Variants in TTLL5 observed in about 807,000 individuals in gnomAD.
TTLL5 encodes the protein tubulin tyrosine ligase like 5, also known as tubulin polyglutamylase TTLL5.
TTLL5 carries 132 observed loss-of-function variants against 168.4 expected under a neutral mutation model. The ratio of observed to expected loss-of-function variants is 0.78; its 90% confidence interval spans 0.68 to 0.91. TTLL5 has a LOEUF of 0.91. Ranked by LOEUF, TTLL5 falls within the 40% of genes least tolerant of loss-of-function variation. The pLI is 0.00. For missense variants in TTLL5, 1,545 were observed against 1,581.5 expected (o/e 0.98, Z 0.39); for synonymous variants, 546 against 558.6 (o/e 0.98, Z 0.32).
chr14:75,734,147 A>C (rs1171960906), intron 14 of TTLL5, 97 bp downstream of exon 14: 1 of 1,133,610 alleles, frequency 8.8e-7, no homozygotes, highest in Non-Finnish European at 1.3e-6. Context: ...GCAGGTCCTA[A>C]GCCATGCTGA....
At chr14:75,788,020 G>A (rs1199886648) in intron 26 of TTLL5, among the ~76,000 whole-genome samples, 1 of 152,156 alleles carries the variant, frequency 6.6e-6, no homozygotes, top group Non-Finnish European at 1.5e-5. Flanking sequence ...TATAGTTGGT[G>A]TGCACCTGTA....
intron 3 of TTLL5, among the ~76,000 whole-genome samples, chr14:75,670,960 C>G (rs181912614): frequency 1.3e-5 from 2 of 152,288 alleles, no homozygotes. Context: ...TGTGTCATAT[C>G]TAAGAAACCA....
intron 28 of TTLL5, among the ~76,000 whole-genome samples, chr14:75,831,744 G>T (rs1320476150): frequency 6.6e-6 from 1 of 152,180 alleles, no homozygotes; most frequent in Non-Finnish European, 1.5e-5. Flanking sequence ...GCACTTTGCA[G>T]ACTCTCCCTG....
At chr14:75,808,748 T>C (rs1168880081) in intron 27 of TTLL5, among the ~76,000 whole-genome samples, 4 of 152,134 alleles carry the variant, frequency 2.6e-5, no homozygotes, top group Non-Finnish European at 4.4e-5. Flanking sequence ...GAATCAAAGC[T>C]ATGGCATGTT....
intron 31 of TTLL5, among the ~76,000 whole-genome samples, chr14:75,912,142 C>A (rs1595254531): frequency 6.6e-6 from 1 of 152,302 alleles, no homozygotes; most frequent in East Asian, 1.9e-4. Flanking sequence ...CTCCGCCCTA[C>A]TCATGACGTG....
intron 31 of TTLL5, among the ~76,000 whole-genome samples, chr14:75,911,882 T>C (rs1432087689): frequency 6.6e-6 from 1 of 152,246 alleles, no homozygotes; most frequent in Non-Finnish European, 1.5e-5. Flanking sequence ...CATTTATTCT[T>C]ATTATTACCA....
intron 12 of TTLL5, 110 bp downstream of exon 12, chr14:75,720,813 A>G: frequency 1.2e-6 from 1 of 867,466 alleles, no homozygotes; most frequent in Non-Finnish European, 1.9e-6. Context: ...GAGGTATGTG[A>G]TGGACTCTTC....
chr14:75,809,192 A>T (rs79368943), intron 27 of TTLL5, among the ~76,000 whole-genome samples: 23 of 152,072 alleles, frequency 1.5e-4, no homozygotes, highest in Non-Finnish European at 3.2e-4. Context: ...CAAACTTATA[A>T]ATTTGCATTA....
intron 21 of TTLL5, among the ~76,000 whole-genome samples, chr14:75,774,421 C>G (rs1463018139): frequency 6.6e-6 from 1 of 152,210 alleles, no homozygotes; most frequent in African/African-American, 2.4e-5. Context: ...ACCTTTCAAA[C>G]TACTGTGATA....
intron 18 of TTLL5, among the ~76,000 whole-genome samples, chr14:75,758,817 A>AT (rs1390203643): frequency 1.3e-5 from 2 of 152,194 alleles, no homozygotes; most frequent in African/African-American, 4.8e-5. Context: ...CATGAGGAAA[A>AT]TTAGAAAATA....
rs565915896 is a variant in TTLL5, at chr14:75,833,041, C to G, written c.3326+12880C>G. On this transcript the variant is annotated intron_variant, in intron 28 of 31. Coordinates refer to ENST00000298832, the MANE Select transcript of TTLL5 (RefSeq NM_015072.5). ...GTCTCCTCAGCGTGGCCACCTGCCT[C>G]CCGCAGCTCTGCCCATCAGGAACAC... Among the ~76,000 whole-genome samples the G allele has an allele frequency of 3.3e-5, 5 of 152,310 alleles. No homozygotes were observed. In the South Asian group the frequency reaches 6.2e-4, roughly 19 times the overall value.
intron 27 of TTLL5, chr14:75,814,542 A>T (rs1161864218): frequency 1.3e-5 from 2 of 152,208 alleles, no homozygotes; most frequent in African/African-American, 4.8e-5. Context: ...CGATACTGGG[A>T]GATTTTCCCT....
intron 28 of TTLL5, among the ~76,000 whole-genome samples, chr14:75,827,707 C>CTTTTTTTTTTTTTTTTTT (rs561078439): frequency 5.6e-5 from 3 of 53,172 alleles, no homozygotes; most frequent in African/African-American, 2.4e-4. Context: ...TGGCTTGGTT[C>CTTTTTTTTTTTTTTTTTT]TTTTTTTTTT....
At chr14:75,952,432 C>G (rs948476335) in intron 31 of TTLL5, among the ~76,000 whole-genome samples, 1 of 152,230 alleles carries the variant, frequency 6.6e-6, no homozygotes. Context: ...AATGGCGTGA[C>G]TGCTTTTGGA....
intron 23 of TTLL5, among the ~76,000 whole-genome samples, chr14:75,779,333 C>T (rs1361867973): frequency 1.3e-5 from 2 of 152,240 alleles, no homozygotes; most frequent in African/African-American, 2.4e-5. Context: ...ACTGAGTAGT[C>T]GCTACCATAT....
chr14:75,866,867 A>G (rs1175744701), intron 29 of TTLL5, among the ~76,000 whole-genome samples: 1 of 152,218 alleles, frequency 6.6e-6, no homozygotes, highest in Non-Finnish European at 1.5e-5. Flanking sequence ...GGAGTGAGAG[A>G]GGAAAGTCAC....
intron 18 of TTLL5, among the ~76,000 whole-genome samples, chr14:75,763,154 A>T (rs546867897): frequency 2.6e-5 from 4 of 152,282 alleles, no homozygotes; most frequent in Admixed American, 1.3e-4. Context: ...TTAGCCAGAC[A>T]TTATTGAATA....
At chr14:75,919,369 G>A (rs1489028324) in intron 31 of TTLL5, among the ~76,000 whole-genome samples, 1 of 152,056 alleles carries the variant, frequency 6.6e-6, no homozygotes, top group Non-Finnish European at 1.5e-5. Context: ...TTTAAAAAAG[G>A]ATTTTAATCT....
At position 75,790,938 on chromosome 14, in the gene TTLL5, A is replaced by G. The variant is rs1305064977; in HGVS notation, c.2987-1978A>G. Among the ~76,000 whole-genome samples, 3 of 149,354 alleles carry G rather than the reference A, an allele frequency of 2.0e-5. No individual in the cohort carries two copies. The East Asian group carries it at 6.0e-4, about 30-fold the overall frequency. ...GGTGAAACCCCATCTCTACTAAAAA[A>G]AAAAAAAAAAAAGAAAAATTACCCG... is the stretch of plus-strand genomic sequence containing the variant. On this transcript the variant is annotated intron_variant, in intron 26 of 31. Transcript: ENST00000298832.
Sources: allele counts gnomAD v4.1 joint callset (sites outside exome capture counted in the v4.1 genomes callset), GRCh38; gene constraint gnomAD v4.1.1; transcripts MANE v1.5; gene names NCBI Gene and HGNC (gene_info 2026-07-23, HGNC 2026-07-21).